Variants in FGA observed in about 807,000 individuals in gnomAD.
FGA encodes the protein fibrinogen, A alpha polypeptide.
FGA carries 20 observed loss-of-function variants against 20.3 expected under a neutral mutation model. The ratio of observed to expected loss-of-function variants is 0.99; its 90% CI spans 0.69 to 1.43. The LOEUF is 1.43. Among genes scored for constraint, FGA ranks in the 40% most tolerant of loss-of-function variants. The pLI, the probability that FGA is intolerant of heterozygous loss-of-function variation, is 0.00. For synonymous variants in FGA, 306 were observed against 281.6 expected (o/e 1.09, Z -0.87); for missense variants, 777 against 784.7 (o/e 0.99, Z 0.12).
chr4:154,589,181 G>A (rs1730810819), intron 2 of FGA, among the ~76,000 whole-genome samples: 1 of 152,186 alleles, frequency 6.6e-6, no homozygotes, highest in South Asian at 2.1e-4. Flanking sequence ...CCAGGAAATT[G>A]AGGCCACAAT....
downstream of FGA, chr4:154,584,087 A>ACAG: frequency 1.2e-6 from 1 of 867,784 alleles, no homozygotes; most frequent in Non-Finnish European, 1.6e-6. Context: ...CTTCTCTAGC[A>ACAG]AAGAAGACAG....
downstream of FGA, chr4:154,584,578 A>T: frequency 6.2e-7 from 1 of 1,614,128 alleles, no homozygotes; most frequent in South Asian, 1.1e-5. Flanking sequence ...TTGGGTTAGT[A>T]AGTGGAGGTA....
In FGA at chr4:154,586,193, T is replaced by A. The variant is rs1278120719; in HGVS notation, c.1236A>T (p.Thr412=). ...NARPNNPDWG[T]FEEVSGNVSP... ...TTACATTTCCTGACACCTCTTCAAA[T>A]GTGCCCCAGTCTGGGTTGTTAGGCC... Residue 412 remains threonine (T), a synonymous_variant, in exon 5 of 5, where the codon ACA becomes ACT. Transcript: ENST00000403106. 1 of 1,614,168 alleles carries A rather than the reference T, an allele frequency of 6.2e-7. No homozygotes were observed. Among genetic ancestry groups the A allele is most frequent in the African/African-American group, 1.3e-5 (1 of 75,056 alleles).
intron 4 of FGA, among the ~76,000 whole-genome samples, chr4:154,587,189 T>A (rs1730748770): frequency 6.6e-6 from 1 of 152,112 alleles, no homozygotes; most frequent in Non-Finnish European, 1.5e-5. Flanking sequence ...CTATTCCCTC[T>A]CAAAGGAAAC....
chr4:154,589,114 A>G (rs955577137), intron 2 of FGA, 138 bp from the exon 3 acceptor site: 1 of 775,228 alleles, frequency 1.3e-6, no homozygotes, highest in Non-Finnish European at 2.2e-6. Context: ...TAAGAGGACT[A>G]GTTAGAGGTC....
chr4:154,587,778 A>AGAAAGAAAGAAAGAAAGAAG, intron 3 of FGA, 121 bp from the exon 4 acceptor site: 2 of 706,518 alleles, frequency 2.8e-6, no homozygotes, highest in Admixed American at 2.7e-5. Flanking sequence ...AAAGAAAGAA[A>AGAAAGAAAGAAAGAAAGAAG]GAAAGAAAGA....
At position 154,589,518 on chromosome 4, in the gene FGA, G is replaced by T. The variant is rs758959148; in HGVS notation, c.99C>A (p.Gly33=). 3.1e-6 allele frequency: 5 copies of T among 1,613,750 alleles called. No homozygotes were observed. The highest frequency in any genetic ancestry group is 4.2e-6 in the Non-Finnish European group (5 of 1,179,916). Residue 33 remains glycine, a synonymous_variant, in exon 2 of 5, where the codon GGC becomes GGA. Coordinates refer to ENST00000403106, the MANE Select transcript of FGA (RefSeq NM_021871.4). ...GEGDFLAEGG[G]VRGPRVVERH... Reference sequence around the variant, plus strand: ...TTTCCACAACCCTTGGGCCACGCACGCCTCCTCCTTCAGCTAGAAAGTCAC... The same window carrying T: ...TTTCCACAACCCTTGGGCCACGCACTCCTCCTCCTTCAGCTAGAAAGTCAC...
At position 154,589,012 on chromosome 4, in the gene FGA, A is replaced by G. The variant is rs374355310; in HGVS notation, c.181-36T>C. ...AGGGAGAAAATTACAGTAAGGATCT[A>G]TCTCTCAGATTCAGAATAATTTTGC... On this transcript the variant is annotated intron_variant, in intron 2 of 4. Coordinates refer to ENST00000403106, the MANE Select transcript of FGA (RefSeq NM_021871.4). The G allele has an allele frequency of 8.5e-6, 13 of 1,525,370 alleles. No homozygotes were observed. The African/African-American group carries it at 1.2e-4, about 14-fold the overall frequency. 94.5% of individuals were successfully genotyped at this position (1,525,370 alleles called of 1,614,324 possible).
At chr4:154,587,909 T>C (rs1730778546) in intron 3 of FGA, among the ~76,000 whole-genome samples, 1 of 152,204 alleles carries the variant, frequency 6.6e-6, no homozygotes, top group Non-Finnish European at 1.5e-5. Flanking sequence ...TTTTGGATAA[T>C]GTTATGCCCT....
chr4:154,589,110 G>T, intron 2 of FGA, 134 bp from the exon 3 acceptor site: 1 of 804,434 alleles, frequency 1.2e-6, no homozygotes, highest in Non-Finnish European at 2.1e-6. Context: ...TAGGTAAGAG[G>T]ACTAGTTAGA....
Position 154,585,554 on chromosome 4 carries a change from T to G in FGA, c.1875A>C (p.Lys625Asn). The G allele has an allele frequency of 6.2e-7, 1 of 1,614,078 alleles. No homozygotes were observed. The highest frequency in any genetic ancestry group is 8.5e-7 in the Non-Finnish European group (1 of 1,179,958). Reference protein sequence around the residue: ...GTHSTKRGHAKSRPVRGIHTS... With the variant: ...GTHSTKRGHANSRPVRGIHTS... ...TGTGGATACCTCTGACAGGGCGAGATTTAGCATGGCCTCTCTTGGTGCTAT... is the reference window on the plus strand; with the variant it reads ...TGTGGATACCTCTGACAGGGCGAGAGTTAGCATGGCCTCTCTTGGTGCTAT... The change falls in exon 5 of 5, where the codon AAA (lysine) becomes AAC (asparagine). Residue 625 changes from lysine (K) to asparagine (N), a missense_variant. Lys to Asn is a moderately conservative substitution (Grantham distance 94). Coordinates refer to ENST00000403106, the MANE Select transcript of FGA (RefSeq NM_021871.4).
rs1730845993 is a variant in FGA, at chr4:154,590,666, A to G, written c.22T>C (p.Cys8Arg). MFSMRIV[C>R]LVLSVVGTAW... is the part of the protein sequence containing the mutation. ...GTGCCCACCACACTTAGGACCAGGC[A>G]GACGATCCTCATGGAAAACATCTTT... Residue 8 changes from cysteine (C) to arginine (R), a missense_variant, in exon 1 of 5, where the codon TGC becomes CGC. Physicochemically the swap from Cys to Arg is radical, Grantham distance 180. Coordinates refer to ENST00000403106, the MANE Select transcript of FGA (RefSeq NM_021871.4). The G allele has an allele frequency of 3.2e-6, 5 of 1,558,466 alleles. No homozygotes were observed. Among genetic ancestry groups the G allele is most frequent in the African/African-American group, 1.4e-5 (1 of 73,624 alleles).
In FGA at chr4:154,585,754, C is replaced by G. The variant is rs1424005324; in HGVS notation, c.1675G>C (p.Glu559Gln). ...ATCCCAGGGTGATGAGAACTGGATT[C>G]CTTTGTATTTGTGAAGATGCCAGAT... ...SESGIFTNTKESSSHHPGIAE... is the reference protein window; with the variant it reads ...SESGIFTNTKQSSSHHPGIAE... Residue 559 changes from glutamate (E) to glutamine (Q), a missense_variant, in exon 5 of 5, where the codon GAA becomes CAA. Physicochemically the swap from Glu to Gln is conservative, Grantham distance 29. Coordinates refer to ENST00000403106, the MANE Select transcript of FGA (RefSeq NM_021871.4). 1.2e-6 allele frequency: 2 copies of G among 1,614,108 alleles called. No homozygotes were observed. The highest frequency in any genetic ancestry group is 1.7e-4 in the Middle Eastern group (1 of 6,060).
At position 154,588,822 on chromosome 4, in the gene FGA, A is replaced by T. The variant is rs774951769; in HGVS notation, c.335T>A (p.Ile112Asn). The T allele has an allele frequency of 3.0e-5, 48 of 1,612,014 alleles. No individual in the cohort carries two copies. The highest frequency in any genetic ancestry group is 4.0e-5 in the Non-Finnish European group (47 of 1,179,220). The change falls in exon 3 of 5, where the codon ATT becomes AAT. Residue 112 changes from isoleucine (I) to asparagine (N), a missense_variant. By Grantham distance (149) the Ile-to-Asn change is moderately radical. Coordinates refer to ENST00000403106, the MANE Select transcript of FGA (RefSeq NM_021871.4). ...SHSLTTNIME[I>N]LRGDFSSANN... ...GGCTGAGGAAAAATCGCCTCTCAAA[A>T]TTTCCATTATATTAGTGGTCAACGA...
chr4:154,588,782 G>A lies in FGA; in HGVS notation c.364+11C>T. The A allele has an allele frequency of 1.3e-6, 2 of 1,571,888 alleles. No homozygotes were observed. Among genetic ancestry groups the A allele is most frequent in the East Asian group, 2.2e-5 (1 of 44,658 alleles). ...GTTATAAAGTCAAAGCAGTAAATAT[G>A]TAATACTTACTATTGGCTGAGGAAA... On this transcript the variant is annotated intron_variant, in intron 3 of 4. Transcript: ENST00000403106.
downstream of FGA, chr4:154,584,295 A>T (rs754253752): frequency 1.9e-6 from 3 of 1,613,984 alleles, no homozygotes; most frequent in African/African-American, 2.7e-5. Context: ...CTTGGCAGTT[A>T]TTATACCACC....
At chr4:154,583,889 T>C (rs1452201818), downstream of FGA, 1 of 531,454 alleles carries the variant, frequency 1.9e-6, no homozygotes, top group South Asian at 2.1e-5. Flanking sequence ...CCTTGGTATA[T>C]CTTTATAAAA....
chr4:154,590,430 C>G (rs1261347482), intron 1 of FGA, among the ~76,000 whole-genome samples: 1 of 152,172 alleles, frequency 6.6e-6, no homozygotes, highest in Non-Finnish European at 1.5e-5. Flanking sequence ...TTTGTACACT[C>G]TCATCCATCT....
downstream of FGA, chr4:154,584,746 G>T (rs769660421): frequency 3.1e-6 from 5 of 1,613,814 alleles, no homozygotes; most frequent in East Asian, 1.1e-4. Context: ...GCAATAAACA[G>T]AAAAAATCTT....
Sources: gnomAD v4.1 joint callset for allele counts (sites outside exome capture counted in the v4.1 genomes callset) on GRCh38, gnomAD v4.1.1 for gene constraint, MANE v1.5 for transcripts, NCBI Gene and HGNC (gene_info 2026-07-23, HGNC 2026-07-21) for gene names.